The following RFT1 variants were observed in gnomAD, a reference collection of about 807,000 sequenced individuals.
The protein encoded by RFT1 is RFT1 glycolipid translocator homolog.
Under a neutral mutation model 62.2 loss-of-function variants are expected in RFT1, and 43 were observed. The ratio of observed to expected loss-of-function variants is 0.69; its 90% CI spans 0.54 to 0.89. The LOEUF is 0.89. Among genes scored for constraint, RFT1 ranks in the 40% least tolerant of loss-of-function variants. RFT1 has a pLI of 0.00. For missense variants in RFT1, 605 were observed against 649.9 expected (o/e 0.93, Z 0.75); for synonymous variants, 262 against 264.6 (o/e 0.99, Z 0.10).
chr3:53,096,693 C>G (rs944422136), intron 11 of RFT1, among the ~76,000 whole-genome samples: 3 of 151,868 alleles, frequency 2.0e-5, no homozygotes, highest in Non-Finnish European at 2.9e-5. Context: ...CAAAAAAAAG[C>G]AACCTGCAAT....
At chr3:53,103,019 CT>C in intron 10 of RFT1, 1 of 805,388 alleles carries the variant, frequency 1.2e-6, no homozygotes, top group Non-Finnish European at 1.5e-6. Context: ...TGGAAATACA[CT>C]TCTCACAGCA....
Position 53,122,500 on chromosome 3 carries a change from C to T in RFT1, c.330G>A (p.Val110=). The change falls in exon 4 of 13, where the codon GTG becomes GTA. Residue 110 remains valine (V), a synonymous_variant. Coordinates refer to ENST00000296292, the MANE Select transcript of RFT1 (RefSeq NM_052859.4). ...AGTGAGGGACAACATTAGGATCAGG[C>T]ACTTCAAGCAGCTGCAACCAGATCC... is the stretch of plus-strand genomic sequence containing the variant. ...LGWIWLQLLE[V]PDPNVVPHYA... is the part of the protein sequence containing the mutation. 6 of 1,613,924 alleles carry T rather than the reference C, an allele frequency of 3.7e-6. No homozygotes were observed. The highest frequency in any genetic ancestry group is 5.1e-6 in the Non-Finnish European group (6 of 1,179,930).
intron 11 of RFT1, among the ~76,000 whole-genome samples, chr3:53,094,860 T>G (rs2107079319): frequency 6.6e-6 from 1 of 152,258 alleles, no homozygotes; most frequent in South Asian, 2.1e-4. Context: ...GTCCATTGTC[T>G]GCCACTAGAA....
chr3:53,084,542 T>C (rs1700818515), downstream of RFT1, among the ~76,000 whole-genome samples: 1 of 152,222 alleles, frequency 6.6e-6, no homozygotes, highest in Non-Finnish European at 1.5e-5. Flanking sequence ...CCAATGTGAC[T>C]AATGCAGCCG....
intron 6 of RFT1, among the ~76,000 whole-genome samples, chr3:53,116,483 G>A (rs544603615): frequency 4.0e-5 from 6 of 150,460 alleles, no homozygotes; most frequent in Non-Finnish European, 8.9e-5. Context: ...TTGTAAAGAC[G>A]GGTTCTTACC....
In RFT1 at chr3:53,122,440, T is replaced by C. The variant is rs1389416226; in HGVS notation, c.390A>G (p.Ala130=). The change falls in exon 4 of 13, where the codon GCA becomes GCG. Residue 130 remains alanine (A), a synonymous_variant. Coordinates refer to ENST00000296292, the MANE Select transcript of RFT1 (RefSeq NM_052859.4). ...ATGVVLFGLS[A]VVELLGEPFW... ...AGGGCTCTCCTAGAAGCTCCACCAC[T>C]GCCGAGAGACCAAACAGCACCACTC... The C allele has an allele frequency of 1.2e-6, 2 of 1,614,092 alleles. No homozygotes were observed. The highest frequency in any genetic ancestry group is 3.3e-5 in the Admixed American group (2 of 60,014).
the RFT1 span, among the ~76,000 whole-genome samples, chr3:53,072,406 G>A: frequency 4.6e-5 from 7 of 152,294 alleles, no homozygotes; most frequent in African/African-American, 1.7e-4. Flanking sequence ...GGGCTGCTGG[G>A]CGTGCTTGGC....
At chr3:53,075,369 G>A in the RFT1 span, among the ~76,000 whole-genome samples, 1 of 152,184 alleles carries the variant, frequency 6.6e-6, no homozygotes, top group Non-Finnish European at 1.5e-5. Context: ...TCTCTTGATG[G>A]CTGAGGGAGA....
the RFT1 span, chr3:53,078,219 G>A: frequency 6.6e-6 from 1 of 152,192 alleles, no homozygotes; most frequent in Non-Finnish European, 1.5e-5. Flanking sequence ...AACCTGCAAT[G>A]GCATATTATA....
At chr3:53,072,936 G>A in the RFT1 span, among the ~76,000 whole-genome samples, 1 of 152,238 alleles carries the variant, frequency 6.6e-6, no homozygotes, top group Non-Finnish European at 1.5e-5. Context: ...AGTGCCTGCC[G>A]CACAGCAACA....
chr3:53,070,552 C>A, the RFT1 span, among the ~76,000 whole-genome samples: 1 of 151,798 alleles, frequency 6.6e-6, no homozygotes, highest in African/African-American at 2.4e-5. Context: ...CAGGCATCCG[C>A]CACCACACCC....
At chr3:53,079,931 G>A in the RFT1 span, among the ~76,000 whole-genome samples, 1 of 144,850 alleles carries the variant, frequency 6.9e-6, no homozygotes, top group Non-Finnish European at 1.5e-5. Context: ...GGTGGGTGAG[G>A]CCATGTGGGG....
intron 11 of RFT1, 135 bp from the exon 12 acceptor site, chr3:53,092,753 G>T: frequency 1.0e-6 from 1 of 1,000,434 alleles, no homozygotes; most frequent in Non-Finnish European, 1.5e-6. Context: ...AACATCGAAT[G>T]CTACCTGGAG....
the RFT1 span, among the ~76,000 whole-genome samples, chr3:53,075,433 C>T: frequency 2.6e-5 from 4 of 152,182 alleles, no homozygotes; most frequent in Non-Finnish European, 4.4e-5. Context: ...GGCCCAATGG[C>T]ACAGCCTCCT....
intron 10 of RFT1, among the ~76,000 whole-genome samples, chr3:53,100,835 T>C (rs1701289625): frequency 6.6e-6 from 1 of 152,182 alleles, no homozygotes; most frequent in Non-Finnish European, 1.5e-5. Flanking sequence ...GGAGATATTC[T>C]ATGTCTGAAT....
At chr3:53,080,795 G>A in the RFT1 span, among the ~76,000 whole-genome samples, 1 of 152,198 alleles carries the variant, frequency 6.6e-6, no homozygotes, top group Non-Finnish European at 1.5e-5. Context: ...TTTGCTCAAA[G>A]ATTCACAGCT....
At chr3:53,112,008 C>T in intron 6 of RFT1, 100 bp from the exon 7 acceptor site, 1 of 896,278 alleles carries the variant, frequency 1.1e-6, no homozygotes, top group Non-Finnish European at 1.8e-6. Flanking sequence ...CTCTAAATCC[C>T]AACTTGGATA....
chr3:53,105,873 AATT>A, intron 8 of RFT1, 70 bp from the exon 9 acceptor site: 1 of 1,303,148 alleles, frequency 7.7e-7, no homozygotes, highest in South Asian at 1.3e-5. Flanking sequence ...GCACTATTAA[AATT>A]ATTTAATATT....
At position 53,090,854 on chromosome 3, in the gene RFT1, G is replaced by C. The variant is rs1429567961; in HGVS notation, c.*1049C>G. 6.6e-6 allele frequency: 1 copy of C among 152,220 alleles called. No homozygotes were observed. The highest frequency in any genetic ancestry group is 2.4e-5 in the African/African-American group (1 of 41,434). 9.4% of individuals were successfully genotyped at this position (152,220 alleles called of 1,614,324 possible). On this transcript the variant is annotated 3_prime_UTR_variant, in exon 13 of 13. Transcript: ENST00000296292. ...CAGGCTGCAAGGTGCAGAACACCTG[G>C]GCTCACACTGTAGCCTGGAGTACCA...
Sources: allele counts gnomAD v4.1 joint callset (sites outside exome capture counted in the v4.1 genomes callset), GRCh38; gene constraint gnomAD v4.1.1; transcripts MANE v1.5; gene names NCBI Gene and HGNC (gene_info 2026-07-23, HGNC 2026-07-21).